BTN2A1: variants seen among roughly 807,000 people sequenced by gnomAD.
The protein encoded by BTN2A1 is butyrophilin subfamily 2 member A1, also known as butyrophilin, subfamily 2, member A1.
In BTN2A1, 41 loss-of-function variants were observed where a neutral mutation model predicts 34.5. That is an observed-to-expected ratio of 1.19 (90% CI 0.93 to 1.54). The LOEUF (loss-of-function observed/expected upper bound fraction) is 1.54, where lower values mean the gene tolerates loss of function less well. Among genes scored for constraint, BTN2A1 ranks in the 40% most tolerant of loss-of-function variants. BTN2A1 has a pLI of 0.00. For missense variants in BTN2A1, 642 were observed against 662.0 expected (o/e 0.97, Z 0.33); for synonymous variants, 267 against 258.6 (o/e 1.03, Z -0.31).
In BTN2A1 at chr6:26,468,925, T is replaced by A. The variant is rs1763399788; in HGVS notation, c.*376T>A. 1 of 1,261,540 alleles carries A rather than the reference T, an allele frequency of 7.9e-7. No homozygotes were observed. Among genetic ancestry groups the A allele is most frequent in the Admixed American group, 2.9e-5 (1 of 34,362 alleles). The allele number at this position is 1,261,540 out of a possible 1,614,324, so 78.1% of individuals were successfully genotyped here. A position where few individuals can be genotyped will look rare whatever the true frequency, so the allele number is the denominator to read the frequency against. The stretch of plus-strand genomic sequence containing the variant: ...GAAGATATGGACTTGGAATGAGGCC[T>A]ACAGGGTTCACCAGGATGTAAGAGG... On this transcript the variant is annotated 3_prime_UTR_variant, in exon 8 of 8. Transcript: ENST00000312541.
At chr6:26,465,850 A>G (rs577078147) in intron 5 of BTN2A1, 103 bp from the exon 6 acceptor site, 2 of 1,577,674 alleles carry the variant, frequency 1.3e-6, no homozygotes, top group East Asian at 4.6e-5. Flanking sequence ...GGGAAGGGAG[A>G]TGTTGCTGTT....
Position 26,468,371 on chromosome 6 carries a change from G to A in BTN2A1, c.1406G>A (p.Arg469Lys), listed in dbSNP as rs144194536. ...GDVSFYNMRD[R>K]SHIYTCPRSA... ...GTCTCCTTCTACAACATGAGGGACA[G>A]ATCGCACATCTACACATGTCCCCGT... Residue 469 changes from arginine (R) to lysine (K), a missense_variant, in exon 8 of 8, where the codon AGA becomes AAA. By Grantham distance (26) the Arg-to-Lys change is conservative. Coordinates refer to ENST00000312541, the MANE Select transcript of BTN2A1 (RefSeq NM_007049.5). 350 of 1,613,870 alleles carry A rather than the reference G, an allele frequency of 2.2e-4. 13 individuals are homozygous for A. The highest frequency in any genetic ancestry group is 1.5e-3 in the East Asian group (66 of 44,844).
In BTN2A1 at chr6:26,463,404, A is replaced by G. The variant is rs776502299; in HGVS notation, c.591A>G (p.Ala197=). ...PALKEVSMPD[A]DGLFMVTTAV... is the part of the protein sequence containing the mutation. ...TGAAAGAGGTCTCCATGCCTGATGCAGACGGCCTCTTCATGGTCACCACGG... is the reference window on the plus strand; with the variant it reads ...TGAAAGAGGTCTCCATGCCTGATGCGGACGGCCTCTTCATGGTCACCACGG... The change falls in exon 4 of 8, where the codon GCA becomes GCG. Residue 197 remains alanine (A), a synonymous_variant. Transcript: ENST00000312541. 2 of 1,613,594 alleles carry G rather than the reference A, an allele frequency of 1.2e-6. No homozygotes were observed. Among genetic ancestry groups the G allele is most frequent in the South Asian group, 2.2e-5 (2 of 91,084 alleles).
downstream of BTN2A1, among the ~76,000 whole-genome samples, chr6:26,471,970 T>C (rs1763460718): frequency 6.6e-6 from 1 of 152,240 alleles, no homozygotes; most frequent in African/African-American, 2.4e-5. Context: ...TTGTATTTTG[T>C]TATTAATAAC....
exon 8 of BTN2A1, chr6:26,476,367 A>G: frequency 1.3e-6 from 1 of 750,826 alleles, no homozygotes; most frequent in Admixed American, 1.9e-5. Context: ...TGCTCCAGAA[A>G]GGTCGAAGAT....
In BTN2A1 at chr6:26,466,116, C is replaced by A. The variant is rs192271445; in HGVS notation, c.982+28C>A. 11 of 1,612,962 alleles carry A rather than the reference C, an allele frequency of 6.8e-6. No homozygotes were observed. The Admixed American group carries it at 1.3e-4, about 20-fold the overall frequency. The stretch of plus-strand genomic sequence containing the variant: ...GAGTGCCTCTGATGTTCCCTCAGAT[C>A]TCAGCTTTCTCCACACTAGCCAGCT... On this transcript the variant is annotated intron_variant, in intron 7 of 7. Coordinates refer to ENST00000312541, the MANE Select transcript of BTN2A1 (RefSeq NM_007049.5).
chr6:26,462,226 C>T (rs1346759106), intron 3 of BTN2A1, among the ~76,000 whole-genome samples: 1 of 152,108 alleles, frequency 6.6e-6, no homozygotes, highest in Admixed American at 6.5e-5. Flanking sequence ...ATGGAAGATT[C>T]ATTTAAAGAT....
rs766333537 is a variant in BTN2A1, at chr6:26,465,974, G to GT, written c.955+2dup. On this transcript the variant is annotated splice_donor_variant, in intron 6 of 7. Coordinates refer to ENST00000312541, the MANE Select transcript of BTN2A1 (RefSeq NM_007049.5). LOFTEE classifies it high-confidence loss of function. ...TCAGAGAAACTTCAAGAAGAATTGC[G>GT]TAAGTTTAGCCTTTCCTTAACTACA... 2.5e-5 allele frequency: 41 copies of GT among 1,614,188 alleles called. No homozygotes were observed. The highest frequency in any genetic ancestry group is 4.5e-5 in the East Asian group (2 of 44,886).
chr6:26,473,184 C>T (rs992923007), downstream of BTN2A1, among the ~76,000 whole-genome samples: 4 of 152,122 alleles, frequency 2.6e-5, no homozygotes, highest in African/African-American at 9.7e-5. Flanking sequence ...CCATTGCTAC[C>T]TGCCTAGGCA....
In BTN2A1 at chr6:26,466,103, T is replaced by A; in HGVS notation, c.982+15T>A. On this transcript the variant is annotated intron_variant, in intron 7 of 7. Coordinates refer to ENST00000312541, the MANE Select transcript of BTN2A1 (RefSeq NM_007049.5). The stretch of plus-strand genomic sequence containing the variant: ...CTTACATGCTGGTGAGTGCCTCTGA[T>A]GTTCCCTCAGATCTCAGCTTTCTCC... 6.2e-7 allele frequency: 1 copy of A among 1,613,326 alleles called. No individual in the cohort carries two copies. Among genetic ancestry groups the A allele is most frequent in the Non-Finnish European group, 8.5e-7 (1 of 1,180,022 alleles).
chr6:26,473,417 T>C (rs997214760), downstream of BTN2A1, among the ~76,000 whole-genome samples: 2 of 152,214 alleles, frequency 1.3e-5, no homozygotes, highest in African/African-American at 4.8e-5. Context: ...ATATAAAATA[T>C]GCAGTTATAG....
exon 8 of BTN2A1, chr6:26,476,368 G>C: frequency 2.7e-6 from 2 of 744,772 alleles, no homozygotes; most frequent in South Asian, 2.9e-5. Flanking sequence ...GCTCCAGAAA[G>C]GTCGAAGATG....
In BTN2A1 at chr6:26,463,304, A is replaced by G; in HGVS notation, c.491A>G (p.Glu164Gly). Residue 164 changes from glutamate to glycine, a missense_variant, in exon 4 of 8, where the codon GAG (glutamate) becomes GGG (glycine). Glu to Gly is a moderately conservative substitution (Grantham distance 98, BLOSUM62 -2). Coordinates refer to ENST00000312541, the MANE Select transcript of BTN2A1 (RefSeq NM_007049.5). ...RGHEDGGIRL[E>G]CISRGWYPKP... ...CATGAAGACGGGGGCATCCGGCTGG[A>G]GTGCATATCTAGAGGGTGGTACCCA... The G allele has an allele frequency of 6.2e-7, 1 of 1,613,864 alleles. No individual in the cohort carries two copies. Among genetic ancestry groups the G allele is most frequent in the Non-Finnish European group, 8.5e-7 (1 of 1,179,890 alleles).
rs1425178727 is a variant in BTN2A1 at position 26,466,001 on chromosome 6, G to A, written c.955+28G>A. ...AAGTTTAGCCTTTCCTTAACTACAT[G>A]TACAATTTGAGTTCTGCTCAGCAAC... is the stretch of plus-strand genomic sequence containing the variant. On this transcript the variant is annotated intron_variant, in intron 6 of 7. Coordinates refer to ENST00000312541, the MANE Select transcript of BTN2A1 (RefSeq NM_007049.5). 4 of 1,614,088 alleles carry A rather than the reference G, an allele frequency of 2.5e-6. No individual in the cohort carries two copies. In the African/African-American group the frequency reaches 4.0e-5, roughly 16 times the overall value.
Position 26,469,154 on chromosome 6 carries a change from C to T in BTN2A1, c.*605C>T. On this transcript the variant is annotated 3_prime_UTR_variant, in exon 8 of 8. Transcript: ENST00000312541. ...CAGAGCGCACATCCACAGGCCTGGA[C>T]CTGGGATGAAGATGAATGAAGAACA... 5.6e-6 allele frequency: 6 copies of T among 1,067,918 alleles called. No individual in the cohort carries two copies. Among genetic ancestry groups the T allele is most frequent in the Non-Finnish European group, 6.8e-6 (6 of 879,352 alleles). The allele number at this position is 1,067,918 out of a possible 1,614,324, so 66.2% of individuals were successfully genotyped here. A position where few individuals can be genotyped will look rare whatever the true frequency, so the allele number is the denominator to read the frequency against.
chr6:26,459,942 C>CCACAGGGAGATTGCACAGGGA, intron 3 of BTN2A1, 114 bp downstream of exon 3: 2 of 961,422 alleles, frequency 2.1e-6, no homozygotes, highest in South Asian at 1.7e-5. Context: ...ACTCCCTTTT[C>CCACAGGGAGATTGCACAGGGA]CACTCTCCCT....
In BTN2A1 at chr6:26,465,235, G is replaced by T. The variant is rs377008113; in HGVS notation, c.763G>T (p.Val255Leu). ...CTGTGCAGTGGCCCTGCCTATCATT[G>T]TGGTTATTCTGATGATACCCATTGC... ...SPCAVALPII[V>L]VILMIPIAVC... The change falls in exon 5 of 8, where the codon GTG (valine) becomes TTG (leucine). Residue 255 changes from valine (V) to leucine (L), a missense_variant. By Grantham distance (32) the Val-to-Leu change is conservative (BLOSUM62 1). Transcript: ENST00000312541. The T allele has an allele frequency of 1.2e-6, 2 of 1,613,958 alleles. No individual in the cohort carries two copies. Among genetic ancestry groups the T allele is most frequent in the African/African-American group, 2.7e-5 (2 of 74,888 alleles).
At position 26,468,832 on chromosome 6, in the gene BTN2A1, G is replaced by A; in HGVS notation, c.*283G>A. On this transcript the variant is annotated 3_prime_UTR_variant, in exon 8 of 8. Transcript: ENST00000312541. ...AGCCAAGAAGAAAGTGTGAGAAGTT[G>A]ATGGGCAGCAAACCTGCTGTTTAAC... 6 of 1,536,602 alleles carry A rather than the reference G, an allele frequency of 3.9e-6. No homozygotes were observed. The highest frequency in any genetic ancestry group is 1.1e-5 in the South Asian group (1 of 88,666).
chr6:26,465,289 C>G lies in BTN2A1; in HGVS notation c.817C>G (p.Gln273Glu), dbSNP rs374232150. 6.2e-7 allele frequency: 1 copy of G among 1,613,684 alleles called. No homozygotes were observed. The highest frequency in any genetic ancestry group is 1.3e-5 in the African/African-American group (1 of 74,808). Residue 273 changes from glutamine (Q) to glutamate (E), a missense_variant, in exon 5 of 8, where the codon CAA becomes GAA. By Grantham distance (29) the Gln-to-Glu change is conservative (BLOSUM62 2). Coordinates refer to ENST00000312541, the MANE Select transcript of BTN2A1 (RefSeq NM_007049.5). ...AVCIYWINKLQKEKKILSGEK... is the reference protein window; with the variant it reads ...AVCIYWINKLEKEKKILSGEK... ...ATGCATCTATTGGATCAACAAACTC[C>G]AAAAGGAAAAAAAGATTCTGTCAGG...
Sources: gnomAD v4.1 joint callset for allele counts (sites outside exome capture counted in the v4.1 genomes callset) on GRCh38, gnomAD v4.1.1 for gene constraint, MANE v1.5 for transcripts, NCBI Gene and HGNC (gene_info 2026-07-23, HGNC 2026-07-21) for gene names.